The following NRG1 variants were observed in gnomAD, a reference collection of about 807,000 sequenced individuals.
NRG1 encodes the protein neuregulin 1.
In NRG1, 18 loss-of-function variants were observed where a neutral mutation model predicts 63.8. The ratio of observed to expected loss-of-function variants is 0.28; its 90% CI spans 0.19 to 0.42. NRG1 has a LOEUF of 0.42. Ranked by LOEUF, NRG1 falls within the 10% of genes least tolerant of loss-of-function variation. The pLI is 1.00. For synonymous variants in NRG1, 302 were observed against 301.3 expected, an observed-to-expected ratio of 1.00 and a Z score of -0.02; for missense variants, 762 against 814.7, an observed-to-expected ratio of 0.94 and a Z score of 0.79.
chr8:32,535,538 G>T (rs541398801), intron 1 of NRG1, among the ~76,000 whole-genome samples: 2 of 152,046 alleles, frequency 1.3e-5, no homozygotes, highest in Non-Finnish European at 2.9e-5. Flanking sequence ...AACTCTTCAG[G>T]TCCTCCTTGG....
chr8:32,003,043 G>T (rs1211294565), intron 1 of NRG1, among the ~76,000 whole-genome samples: 1 of 152,004 alleles, frequency 6.6e-6, no homozygotes, highest in Non-Finnish European at 1.5e-5. Context: ...TTATCAACTA[G>T]AGAGTTTGAG....
chr8:32,015,852 TTG>T lies in NRG1; in HGVS notation c.37+376423_37+376424del, dbSNP rs768224997. ...CCTCAACGTAGAAGTTTTCTCTTGT[TTG>T]TTTTTTTTTTTATTCTGAGTTATTT... On this transcript the variant is annotated intron_variant, in intron 1 of 10. Transcript: ENST00000519301. Among the ~76,000 whole-genome samples, 1,046 of 151,604 alleles carry T rather than the reference TTG, an allele frequency of 6.9e-3. 5 individuals are homozygous for T. The highest frequency in any genetic ancestry group is 0.038 in the Middle Eastern group (11 of 292).
chr8:32,667,706 CTT>C lies in NRG1; in HGVS notation c.502+50827_502+50828del, dbSNP rs142804050. The stretch of plus-strand genomic sequence containing the variant: ...GACTTAGAGTTCACTTGTTTCTTCT[CTT>C]TTTTTCAATCATTTATAAGATCTCT... On this transcript the variant is annotated intron_variant, in intron 5 of 11. Coordinates refer to ENST00000356819, the Ensembl canonical transcript of NRG1. 5.9e-4 allele frequency among the ~76,000 whole-genome samples: 89 copies of C among 152,008 alleles called. 1 individual carries two copies. The highest frequency in any genetic ancestry group is 5.9e-5 in the Non-Finnish European group (4 of 68,002).
At chr8:31,646,923 T>C (rs757632083) in intron 1 of NRG1, among the ~76,000 whole-genome samples, 4 of 152,244 alleles carry the variant, frequency 2.6e-5, no homozygotes, top group Non-Finnish European at 5.9e-5. Flanking sequence ...AAAGGTTGTT[T>C]AATTTCCCAA....
chr8:32,407,551 C>T (rs1268356908), intron 1 of NRG1, among the ~76,000 whole-genome samples: 3 of 151,846 alleles, frequency 2.0e-5, no homozygotes, highest in African/African-American at 7.3e-5. Context: ...GAGGAAAGAG[C>T]GTGGAGAGAA....
At chr8:31,687,813 A>G (rs1809060412) in intron 1 of NRG1, among the ~76,000 whole-genome samples, 1 of 152,252 alleles carries the variant, frequency 6.6e-6, no homozygotes, top group Non-Finnish European at 1.5e-5. Context: ...CAAAGTGGCC[A>G]GGTCTTTGTA....
chr8:31,731,556 C>T (rs1479664398), intron 1 of NRG1, among the ~76,000 whole-genome samples: 1 of 152,036 alleles, frequency 6.6e-6, no homozygotes, highest in Non-Finnish European at 1.5e-5. Context: ...CAGGATGTCT[C>T]TGTTTTTTGA....
At chr8:32,277,569 A>G (rs1167171963) in intron 1 of NRG1, among the ~76,000 whole-genome samples, 1 of 152,090 alleles carries the variant, frequency 6.6e-6, no homozygotes, top group Non-Finnish European at 1.5e-5. Flanking sequence ...TGATTTTATA[A>G]TTTTCTTGAT....
At chr8:32,218,775 A>G (rs1341040106) in intron 1 of NRG1, among the ~76,000 whole-genome samples, 1 of 152,158 alleles carries the variant, frequency 6.6e-6, no homozygotes, top group African/African-American at 2.4e-5. Flanking sequence ...GCCTTTGACA[A>G]TGCTTAGAGG....
At chr8:31,800,428 T>TA (rs916307861) in intron 1 of NRG1, among the ~76,000 whole-genome samples, 6 of 152,310 alleles carry the variant, frequency 3.9e-5, no homozygotes, top group Middle Eastern at 3.4e-3. Context: ...TGTACGTGCT[T>TA]GAGTGTTTTT....
chr8:32,672,400 C>G (rs564749591), intron 5 of NRG1, among the ~76,000 whole-genome samples: 2 of 152,260 alleles, frequency 1.3e-5, no homozygotes, highest in Non-Finnish European at 1.5e-5. Context: ...GCTGACATCA[C>G]TCTCCTACCT....
chr8:32,100,250 G>T (rs1269486600), intron 1 of NRG1, among the ~76,000 whole-genome samples: 3 of 152,146 alleles, frequency 2.0e-5, no homozygotes, highest in African/African-American at 7.2e-5. Flanking sequence ...TGTACTGAGA[G>T]ATTTCTTAAC....
chr8:31,651,802 T>C (rs543505644), intron 1 of NRG1, among the ~76,000 whole-genome samples: 167 of 152,098 alleles, frequency 1.1e-3, no homozygotes, highest in African/African-American at 3.4e-3. Context: ...TTTCCTTCAG[T>C]TTAACGTCTC....
At position 31,922,588 on chromosome 8, in the gene NRG1, G is replaced by A. The variant is rs1269929581; in HGVS notation, c.37+283157G>A. Among the ~76,000 whole-genome samples the A allele has an allele frequency of 2.6e-5, 4 of 152,162 alleles. No individual in the cohort carries two copies. In the East Asian group the frequency reaches 7.7e-4, roughly 29 times the overall value. ...CTCTAGGTTTACTTTTATGGGTTGA[G>A]CCTTTGACCTATCTGTGGAAGTGGT... On this transcript the variant is annotated intron_variant, in intron 1 of 10. Transcript: ENST00000519301.
At chr8:32,371,422 TAA>T (rs1230553861) in intron 1 of NRG1, among the ~76,000 whole-genome samples, 6 of 152,152 alleles carry the variant, frequency 3.9e-5, no homozygotes. Flanking sequence ...GATCAGTTTT[TAA>T]AAGATGGGCT....
intron 1 of NRG1, among the ~76,000 whole-genome samples, chr8:32,452,254 G>A (rs769788360): frequency 1.3e-5 from 2 of 152,188 alleles, no homozygotes; most frequent in African/African-American, 4.8e-5. Flanking sequence ...CACATGGAAT[G>A]GACTGGTAAT....
intron 5 of NRG1, among the ~76,000 whole-genome samples, chr8:32,663,958 A>G (rs1314180543): frequency 6.6e-6 from 1 of 152,156 alleles, no homozygotes; most frequent in East Asian, 1.9e-4. Flanking sequence ...TTTCCTCCTT[A>G]GTCTCTATTC....
At chr8:32,474,763 C>G (rs955515029) in intron 1 of NRG1, among the ~76,000 whole-genome samples, 1 of 152,234 alleles carries the variant, frequency 6.6e-6, no homozygotes, top group Admixed American at 6.5e-5. Flanking sequence ...CTCGGCCTCC[C>G]AAAGTGCTGG....
At chr8:32,586,580 T>C (rs1415172637) in intron 1 of NRG1, among the ~76,000 whole-genome samples, 2 of 152,164 alleles carry the variant, frequency 1.3e-5, no homozygotes, top group East Asian at 3.9e-4. Context: ...AGATTTTTAA[T>C]CTACTGTCCT....
Sources: gnomAD v4.1 joint callset for allele counts (sites outside exome capture counted in the v4.1 genomes callset) on GRCh38, gnomAD v4.1.1 for gene constraint, MANE v1.5 for transcripts, NCBI Gene and HGNC (gene_info 2026-07-23, HGNC 2026-07-21) for gene names.